NTNG1: variants seen among roughly 807,000 people sequenced by gnomAD.
The protein encoded by NTNG1 is netrin G1.
In NTNG1, 16 loss-of-function variants were observed where a neutral mutation model predicts 54.0. The ratio of observed to expected loss-of-function variants is 0.30; its 90% confidence interval spans 0.20 to 0.45. The LOEUF (loss-of-function observed/expected upper bound fraction) is 0.45, where lower values mean the gene tolerates loss of function less well. Ranked by LOEUF, NTNG1 falls within the 20% of genes least tolerant of loss-of-function variation. The pLI is 1.00. For missense variants in NTNG1, 530 were observed against 678.7 expected, an observed-to-expected ratio of 0.78 and a Z score of 2.43; for synonymous variants, 255 against 263.1, an observed-to-expected ratio of 0.97 and a Z score of 0.30.
intron 4 of NTNG1, among the ~76,000 whole-genome samples, chr1:107,407,098 G>T (rs1022106790): frequency 1.3e-5 from 2 of 152,080 alleles, no homozygotes; most frequent in Non-Finnish European, 2.9e-5. Context: ...GAATTATTCT[G>T]CTCAATTGAG....
chr1:107,246,711 A>G (rs893836498), intron 2 of NTNG1, among the ~76,000 whole-genome samples: 12 of 152,182 alleles, frequency 7.9e-5, no homozygotes, highest in African/African-American at 2.9e-4. Context: ...GAGCCCCTGT[A>G]TAGTAAGTTA....
At chr1:107,387,128 C>G (rs182281802) in intron 3 of NTNG1, among the ~76,000 whole-genome samples, 64 of 152,268 alleles carry the variant, frequency 4.2e-4, no homozygotes, top group African/African-American at 1.5e-3. Flanking sequence ...GTTAGCATTC[C>G]TAATATGTTC....
intron 3 of NTNG1, among the ~76,000 whole-genome samples, chr1:107,331,740 T>G (rs1178563637): frequency 1.3e-5 from 2 of 152,104 alleles, no homozygotes; most frequent in Non-Finnish European, 2.9e-5. Context: ...GGCAATATGT[T>G]TTTCCTTTAA....
chr1:107,456,324 A>G (rs532630769), intron 7 of NTNG1, among the ~76,000 whole-genome samples: 2 of 152,326 alleles, frequency 1.3e-5, no homozygotes, highest in African/African-American at 4.8e-5. Flanking sequence ...GTTTAACAAA[A>G]TGAAGGCCCT....
intron 2 of NTNG1, among the ~76,000 whole-genome samples, chr1:107,251,308 A>C (rs1662589992): frequency 6.6e-6 from 1 of 152,224 alleles, no homozygotes; most frequent in African/African-American, 2.4e-5. Context: ...TGGGTCCTCA[A>C]ATATACTTTG....
chr1:107,149,764 G>T (rs34256641), intron 2 of NTNG1, among the ~76,000 whole-genome samples: 8,717 of 148,850 alleles, frequency 0.059, 352 homozygotes, highest in Non-Finnish European at 0.081. Context: ...AGTTCATTTG[G>T]TTTTTTTTTT....
At chr1:107,206,170 G>A (rs767442725) in intron 2 of NTNG1, among the ~76,000 whole-genome samples, 41 of 151,814 alleles carry the variant, frequency 2.7e-4, no homozygotes, top group African/African-American at 9.9e-4. Context: ...TTCAGCTTTC[G>A]TGGACACTGA....
chr1:107,142,397 C>T (rs2100992240), intron 1 of NTNG1, among the ~76,000 whole-genome samples: 1 of 151,372 alleles, frequency 6.6e-6, no homozygotes, highest in East Asian at 1.9e-4. Flanking sequence ...GATTTTAAAG[C>T]AACTTTACTT....
At chr1:107,299,297 A>T (rs1666178613) in intron 2 of NTNG1, among the ~76,000 whole-genome samples, 1 of 152,164 alleles carries the variant, frequency 6.6e-6, no homozygotes, top group Admixed American at 6.6e-5. Flanking sequence ...ATCTGTACTT[A>T]GGTCATGTAC....
At chr1:107,460,094 TAGAAAAC>T (rs1164149819) in intron 7 of NTNG1, among the ~76,000 whole-genome samples, 3 of 152,202 alleles carry the variant, frequency 2.0e-5, no homozygotes, top group Non-Finnish European at 4.4e-5. Context: ...GGAAAACCTC[TAGAAAAC>T]AGTTCTCAGT....
intron 2 of NTNG1, among the ~76,000 whole-genome samples, chr1:107,241,549 T>C (rs1173891057): frequency 6.6e-6 from 1 of 152,158 alleles, no homozygotes; most frequent in Non-Finnish European, 1.5e-5. Context: ...CTACTAAAAG[T>C]AGTTTAGAGC....
chr1:107,282,189 A>G (rs1664906556), intron 2 of NTNG1, among the ~76,000 whole-genome samples: 1 of 152,138 alleles, frequency 6.6e-6, no homozygotes, highest in South Asian at 2.1e-4. Context: ...AATCCCATAA[A>G]CCACTTTGGT....
At chr1:107,450,634 T>A (rs1676567692) in intron 7 of NTNG1, among the ~76,000 whole-genome samples, 1 of 152,154 alleles carries the variant, frequency 6.6e-6, no homozygotes, top group Non-Finnish European at 1.5e-5. Flanking sequence ...TTATGTCTTT[T>A]TCTGTGGTCG....
intron 2 of NTNG1, among the ~76,000 whole-genome samples, chr1:107,159,278 A>T (rs913771537): frequency 9.9e-5 from 15 of 152,210 alleles, no homozygotes; most frequent in African/African-American, 2.7e-4. Context: ...CATACTCATC[A>T]ATGTGGCTAC....
chr1:107,314,962 A>G (rs1315385383), intron 2 of NTNG1, among the ~76,000 whole-genome samples: 1 of 152,198 alleles, frequency 6.6e-6, no homozygotes. Context: ...AGTGTTGAAC[A>G]CATCCTAAGC....
chr1:107,273,742 TG>T (rs1284954806), intron 2 of NTNG1, among the ~76,000 whole-genome samples: 3 of 152,224 alleles, frequency 2.0e-5, no homozygotes, highest in African/African-American at 7.2e-5. Context: ...TGTTAATTCA[TG>T]GGCCTCTTGT....
At chr1:107,356,546 G>A (rs945972424) in intron 3 of NTNG1, among the ~76,000 whole-genome samples, 4 of 151,998 alleles carry the variant, frequency 2.6e-5, no homozygotes, top group East Asian at 3.9e-4. Context: ...TGCTTGCTTC[G>A]GCCTCCCAAA....
At chr1:107,480,582 C>CCCCCCCCCCCAAA in intron 7 of NTNG1, 29 bp from the exon 8 acceptor site, 1 of 707,698 alleles carries the variant, frequency 1.4e-6, no homozygotes, top group Non-Finnish European at 2.4e-6. Flanking sequence ...CCGCGCCCAC[C>CCCCCCCCCCCAAA]CACCCCTACC....
chr1:107,191,271 G>A (rs1238528018), intron 2 of NTNG1, among the ~76,000 whole-genome samples: 1 of 151,728 alleles, frequency 6.6e-6, no homozygotes. Context: ...TTTTGATGGG[G>A]TTGTTTGTTT....
Sources: allele counts gnomAD v4.1 joint callset (sites outside exome capture counted in the v4.1 genomes callset), GRCh38; gene constraint gnomAD v4.1.1; transcripts MANE v1.5; gene names NCBI Gene and HGNC (gene_info 2026-07-23, HGNC 2026-07-21).